Variants in TLN2 observed in about 807,000 individuals in gnomAD.
TLN2 encodes talin 2.
Under a neutral mutation model 294.7 loss-of-function variants are expected in TLN2, and 118 were observed. That is an observed-to-expected ratio of 0.40 (90% CI 0.34 to 0.47). The LOEUF (loss-of-function observed/expected upper bound fraction) is 0.47. TLN2 is among the 20% of genes least tolerant of loss of function. TLN2 has a pLI of 0.84. For synonymous variants in TLN2, 1,431 were observed against 1,304.5 expected (o/e 1.10, Z -2.09); for missense variants, 3,083 against 3,282.2 (o/e 0.94, Z 1.48).
chr15:62,424,099 A>G (rs2034567521), intron 1 of TLN2, among the ~76,000 whole-genome samples: 1 of 152,204 alleles, frequency 6.6e-6, no homozygotes, highest in Admixed American at 6.5e-5. Flanking sequence ...CTAACTGTCC[A>G]TGCCTCGGTT....
At chr15:62,628,183 T>G (rs761930666) in intron 3 of TLN2, among the ~76,000 whole-genome samples, 19 of 152,250 alleles carry the variant, frequency 1.2e-4, no homozygotes, top group Non-Finnish European at 2.5e-4. Flanking sequence ...TACTTAGTCT[T>G]GGTAACAAGG....
In TLN2 at chr15:62,800,768, C is replaced by A; in HGVS notation, c.6476C>A (p.Thr2159Lys). 1.2e-6 allele frequency: 2 copies of A among 1,609,302 alleles called. No homozygotes were observed. Among genetic ancestry groups the A allele is most frequent in the African/African-American group, 1.3e-5 (1 of 75,000 alleles). ...ATIECIKQEL[T>K]VFQSKDVPEK... ...ATTGAATGCATAAAGCAGGAGCTTA[C>A]GGTAAGGAGCCAGCAGTTACCTCCC... Residue 2159 changes from threonine (T) to lysine (K), a missense_variant and splice_region_variant, in exon 50 of 59, where the codon ACG (threonine) becomes AAG (lysine). By Grantham distance (78) the Thr-to-Lys change is moderately conservative. Coordinates refer to ENST00000636159, the MANE Select transcript of TLN2 (RefSeq NM_015059.3).
chr15:62,540,169 G>A (rs932084819), intron 1 of TLN2, among the ~76,000 whole-genome samples: 4 of 151,740 alleles, frequency 2.6e-5, no homozygotes, highest in East Asian at 1.9e-4. Context: ...GTGAAACCCC[G>A]TCTCTACTAA....
rs780534078 is a variant in TLN2, at chr15:62,748,454, T to C, written c.4119+10T>C. On this transcript the variant is annotated intron_variant, in intron 33 of 58. Coordinates refer to ENST00000636159, the MANE Select transcript of TLN2 (RefSeq NM_015059.3). ...CCTGCGGGAGCTCGAGGTAGGTCCC[T>C]GGGAAGGCTGCTGAGGACTTGAGAG... The C allele has an allele frequency of 6.2e-7, 1 of 1,607,508 alleles. No homozygotes were observed. The highest frequency in any genetic ancestry group is 1.7e-5 in the Admixed American group (1 of 59,982).
At chr15:62,778,322 C>A (rs984022141) in intron 43 of TLN2, among the ~76,000 whole-genome samples, 1 of 152,164 alleles carries the variant, frequency 6.6e-6, no homozygotes, top group Non-Finnish European at 1.5e-5. Flanking sequence ...TTTCCCTCTT[C>A]TGCGGGCCCT....
intron 1 of TLN2, among the ~76,000 whole-genome samples, chr15:62,478,841 T>C (rs1309558262): frequency 6.6e-6 from 1 of 152,248 alleles, no homozygotes; most frequent in African/African-American, 2.4e-5. Context: ...TTCATTAGGC[T>C]TCTCAACTTT....
intron 23 of TLN2, among the ~76,000 whole-genome samples, chr15:62,716,758 T>C (rs2059800894): frequency 1.3e-5 from 2 of 152,188 alleles, no homozygotes; most frequent in Admixed American, 1.3e-4. Context: ...GCTGAAAATA[T>C]TTATATTTTG....
chr15:62,402,165 T>A (rs1278489101), intron 1 of TLN2, among the ~76,000 whole-genome samples: 2 of 152,228 alleles, frequency 1.3e-5, no homozygotes, highest in Non-Finnish European at 2.9e-5. Flanking sequence ...TTACTGGGTA[T>A]AATGTACTTT....
At chr15:62,623,189 G>A (rs950638136) in intron 3 of TLN2, among the ~76,000 whole-genome samples, 5 of 152,198 alleles carry the variant, frequency 3.3e-5, no homozygotes, top group African/African-American at 1.2e-4. Context: ...TACTGTATCC[G>A]TATAAACAAA....
At position 62,647,297 on chromosome 15, in the gene TLN2, C is replaced by T; in HGVS notation, c.-14C>T. The T allele has an allele frequency of 2.5e-6, 4 of 1,613,652 alleles. No individual in the cohort carries two copies. The highest frequency in any genetic ancestry group is 3.4e-6 in the Non-Finnish European group (4 of 1,179,790). On this transcript the variant is annotated 5_prime_UTR_variant, in exon 4 of 59. Transcript: ENST00000636159. ...CAGACATTCTAAGTGAGACTGTCCA[C>T]ATCATCTAGGAAAATGGTGGCCCTG...
chr15:62,426,605 C>T (rs2140281131), intron 1 of TLN2, among the ~76,000 whole-genome samples: 1 of 152,326 alleles, frequency 6.6e-6, no homozygotes, highest in South Asian at 2.1e-4. Context: ...TGGAAATTTG[C>T]CTAAACTAAC....
chr15:62,792,600 C>A, intron 45 of TLN2, 41 bp from the exon 46 acceptor site: 4 of 1,604,312 alleles, frequency 2.5e-6, no homozygotes, highest in Non-Finnish European at 3.4e-6. Flanking sequence ...TGGCAGAGTC[C>A]ATCACGCTTC....
rs1395865302 is a variant in TLN2, at chr15:62,842,254, A to G, written c.*1644A>G. The G allele has an allele frequency of 6.6e-6, 1 of 152,188 alleles. No homozygotes were observed. The highest frequency in any genetic ancestry group is 1.5e-5 in the Non-Finnish European group (1 of 68,050). The allele number at this position is 152,188 out of a possible 1,614,324, so 9.4% of individuals were successfully genotyped here. A position where few individuals can be genotyped will look rare whatever the true frequency, so the allele number is the denominator to read the frequency against. ...TAGAGAAAAGACGCTGTAAAGGAAAAGCAAGTGAGAGTATGTGTAGGACAC... is the reference window on the plus strand; with the variant it reads ...TAGAGAAAAGACGCTGTAAAGGAAAGGCAAGTGAGAGTATGTGTAGGACAC... On this transcript the variant is annotated 3_prime_UTR_variant, in exon 59 of 59. Coordinates refer to ENST00000636159, the MANE Select transcript of TLN2 (RefSeq NM_015059.3).
In TLN2 at chr15:62,776,858, A is replaced by C; in HGVS notation, c.5462A>C (p.Glu1821Ala). ...IMVTLNEAASEVGLVGGMVDA... is the reference protein window; with the variant it reads ...IMVTLNEAASAVGLVGGMVDA... The stretch of plus-strand genomic sequence containing the variant: ...GTGACGCTGAACGAAGCTGCCAGTG[A>C]AGTGGGGCTGGTTGGGGGCATGGTG... Residue 1821 changes from glutamate to alanine, a missense_variant, in exon 43 of 59, where the codon GAA (glutamate) becomes GCA (alanine). Physicochemically the swap from Glu to Ala is moderately radical, Grantham distance 107. Coordinates refer to ENST00000636159, the MANE Select transcript of TLN2 (RefSeq NM_015059.3). 1 of 1,600,482 alleles carries C rather than the reference A, an allele frequency of 6.2e-7. No individual in the cohort carries two copies. The highest frequency in any genetic ancestry group is 8.5e-7 in the Non-Finnish European group (1 of 1,173,260).
At position 62,805,706 on chromosome 15, in the gene TLN2, A is replaced by T. The variant is rs1282779220; in HGVS notation, c.6584A>T (p.Asn2195Ile). 1 of 1,614,108 alleles carries T rather than the reference A, an allele frequency of 6.2e-7. No homozygotes were observed. Among genetic ancestry groups the T allele is most frequent in the East Asian group, 2.2e-5 (1 of 44,876 alleles). Residue 2195 changes from asparagine (N) to isoleucine (I), a missense_variant, in exon 51 of 59, where the codon AAC becomes ATC. Transcript: ENST00000636159. The stretch of plus-strand genomic sequence containing the variant: ...ACAGCCAAAGCCGTGGCAGCTGGGA[A>T]CTCATGTAGACAGGAGGACGTGATT... The part of the protein sequence containing the change: ...MATAKAVAAG[N>I]SCRQEDVIAT...
chr15:62,789,071 C>T (rs977204310), intron 45 of TLN2, among the ~76,000 whole-genome samples: 2 of 152,202 alleles, frequency 1.3e-5, no homozygotes, highest in African/African-American at 4.8e-5. Context: ...CCCATTCTTC[C>T]TCTTAAATTC....
chr15:62,548,692 G>A lies in TLN2; in HGVS notation c.-237-40995G>A, dbSNP rs539924343. On this transcript the variant is annotated intron_variant, in intron 1 of 58. Transcript: ENST00000636159. ...TTCATCCCACAGCTAATCAGAATACGGTTGAAATTGTGCTGATTAGGTTAT... is the reference window on the plus strand; with the variant it reads ...TTCATCCCACAGCTAATCAGAATACAGTTGAAATTGTGCTGATTAGGTTAT... Among the ~76,000 whole-genome samples the A allele has an allele frequency of 2.7e-4, 41 of 152,274 alleles. 1 individual carries two copies. Among genetic ancestry groups the A allele is most frequent in the South Asian group, 1.0e-3 (5 of 4,820 alleles).
At chr15:62,527,797 T>G (rs8030359) in intron 1 of TLN2, among the ~76,000 whole-genome samples, 78,263 of 151,998 alleles carry the variant, frequency 0.51, 20,876 homozygotes, top group African/African-American at 0.66. Context: ...TTTGTGATGA[T>G]AAAAGTACAA....
chr15:62,798,049 A>G (rs1219897427), intron 48 of TLN2, among the ~76,000 whole-genome samples: 2 of 152,180 alleles, frequency 1.3e-5, no homozygotes, highest in Admixed American at 1.3e-4. Flanking sequence ...GTTTCAACCC[A>G]CCAGAGACAG....
Sources: gnomAD v4.1 joint callset for allele counts (sites outside exome capture counted in the v4.1 genomes callset) on GRCh38, gnomAD v4.1.1 for gene constraint, MANE v1.5 for transcripts, NCBI Gene and HGNC (gene_info 2026-07-23, HGNC 2026-07-21) for gene names.